Variants in SRPK2 observed in about 807,000 individuals in gnomAD.
SRPK2 encodes SFRS protein kinase 2.
Under a neutral mutation model 90.8 loss-of-function variants are expected in SRPK2, and 21 were observed. That is an observed-to-expected ratio of 0.23 (90% CI 0.16 to 0.33). SRPK2 has a LOEUF of 0.33. Ranked by LOEUF, SRPK2 falls within the 10% of genes least tolerant of loss-of-function variation. The probability of loss-of-function intolerance (pLI) is 1.00; values close to 1 mark genes in which losing one functional copy is unlikely to be tolerated. For missense variants in SRPK2, 620 were observed against 869.0 expected, an observed-to-expected ratio of 0.71 and a Z score of 3.60; for synonymous variants, 288 against 311.1, an observed-to-expected ratio of 0.93 and a Z score of 0.78.
intron 7 of SRPK2, among the ~76,000 whole-genome samples, chr7:105,149,367 T>G (rs1318250306): frequency 1.3e-5 from 2 of 152,202 alleles, no homozygotes; most frequent in Non-Finnish European, 2.9e-5. Context: ...GTACCTTCCC[T>G]TGAACTTAAT....
rs573171630 is a variant in SRPK2 at position 105,131,198 on chromosome 7, G to A, written c.1752+1593C>T. 1.8e-4 allele frequency among the ~76,000 whole-genome samples: 28 copies of A among 152,242 alleles called. 1 individual carries two copies. The highest frequency in any genetic ancestry group is 1.6e-4 in the Non-Finnish European group (11 of 68,020). ...TCAAAGAGTACTTAGCGCCTAATTC[G>A]GGGCAGCCCTGCTGCTAGTGGCCAT... On this transcript the variant is annotated intron_variant, in intron 13 of 15. Transcript: ENST00000393651.
chr7:105,148,959 G>C (rs994563942), intron 7 of SRPK2, among the ~76,000 whole-genome samples: 2 of 152,168 alleles, frequency 1.3e-5, no homozygotes, highest in African/African-American at 4.8e-5. Context: ...ACAATGCACT[G>C]TGGAAAGCTG....
At chr7:105,122,670 G>A (rs1800559653) in intron 15 of SRPK2, among the ~76,000 whole-genome samples, 1 of 152,092 alleles carries the variant, frequency 6.6e-6, no homozygotes, top group Admixed American at 6.5e-5. Flanking sequence ...CTGGGTTTTA[G>A]CCCTCAGTTC....
At chr7:105,121,262 T>G (rs1258874432) in intron 15 of SRPK2, among the ~76,000 whole-genome samples, 3 of 151,736 alleles carry the variant, frequency 2.0e-5, no homozygotes, top group African/African-American at 7.3e-5. Flanking sequence ...CAAAAATCGT[T>G]TGAACCCAGG....
At chr7:105,163,500 A>G (rs963650929) in intron 6 of SRPK2, among the ~76,000 whole-genome samples, 3 of 152,130 alleles carry the variant, frequency 2.0e-5, no homozygotes, top group South Asian at 2.1e-4. Flanking sequence ...ATTTGTGTGG[A>G]AAAAAAGTTT....
chr7:105,120,659 A>C (rs907807308), intron 15 of SRPK2, among the ~76,000 whole-genome samples: 13 of 152,196 alleles, frequency 8.5e-5, no homozygotes, highest in African/African-American at 3.1e-4. Context: ...CCTCTAAAAA[A>C]AAAAAAAATG....
chr7:105,223,514 T>C (rs1798350887), intron 2 of SRPK2, among the ~76,000 whole-genome samples: 2 of 152,208 alleles, frequency 1.3e-5, no homozygotes, highest in Admixed American at 1.3e-4. Context: ...TTTAGCCAGA[T>C]TCTACTTTTC....
At chr7:105,319,331 T>C (rs1812643757) in intron 2 of SRPK2, among the ~76,000 whole-genome samples, 1 of 152,210 alleles carries the variant, frequency 6.6e-6, no homozygotes, top group Non-Finnish European at 1.5e-5. Flanking sequence ...AGTTTAAGTA[T>C]ACAGCCCTCC....
chr7:105,271,331 C>A (rs560661622), intron 2 of SRPK2, among the ~76,000 whole-genome samples: 2 of 152,352 alleles, frequency 1.3e-5, no homozygotes, highest in Admixed American at 1.3e-4. Context: ...ACTGGTGACA[C>A]TGGAAGCCCC....
At chr7:105,380,972 A>T (rs927593979) in intron 2 of SRPK2, among the ~76,000 whole-genome samples, 66 of 124,446 alleles carry the variant, frequency 5.3e-4, no homozygotes, top group Non-Finnish European at 3.6e-4. Flanking sequence ...AAAAAAAAAA[A>T]GCTGGGCCAG....
intron 2 of SRPK2, among the ~76,000 whole-genome samples, chr7:105,209,961 TATC>T (rs1454099912): frequency 6.6e-6 from 1 of 152,170 alleles, no homozygotes; most frequent in African/African-American, 2.4e-5. Flanking sequence ...ATACTAAAAT[TATC>T]ATCATGCTAT....
intron 2 of SRPK2, among the ~76,000 whole-genome samples, chr7:105,307,500 C>T (rs1811267848): frequency 6.6e-6 from 1 of 152,190 alleles, no homozygotes; most frequent in South Asian, 2.1e-4. Flanking sequence ...GCAGTGCCAT[C>T]CATTTGTCAT....
chr7:105,312,564 C>T (rs1049620055), intron 2 of SRPK2, among the ~76,000 whole-genome samples: 7 of 152,092 alleles, frequency 4.6e-5, no homozygotes, highest in African/African-American at 1.7e-4. Context: ...AATCTCAGCC[C>T]TGCACCTCAG....
At chr7:105,366,462 C>T (rs1213759307) in intron 2 of SRPK2, among the ~76,000 whole-genome samples, 2 of 151,088 alleles carry the variant, frequency 1.3e-5, no homozygotes, top group African/African-American at 2.4e-5. Context: ...CTCTGCCTCC[C>T]GGCCTCAAGC....
intron 2 of SRPK2, among the ~76,000 whole-genome samples, chr7:105,323,173 G>T (rs1229948677): frequency 6.6e-6 from 1 of 151,466 alleles, no homozygotes; most frequent in South Asian, 2.1e-4. Flanking sequence ...CTGGGCGACA[G>T]AGTGAGACTC....
intron 2 of SRPK2, among the ~76,000 whole-genome samples, chr7:105,221,338 C>G (rs1798067782): frequency 6.6e-6 from 1 of 152,198 alleles, no homozygotes. Context: ...TAAGTTCCAG[C>G]TCCATCAGTT....
chr7:105,344,250 G>T (rs1816179176), intron 2 of SRPK2, among the ~76,000 whole-genome samples: 1 of 151,586 alleles, frequency 6.6e-6, no homozygotes, highest in Non-Finnish European at 1.5e-5. Context: ...TAAACAAAAT[G>T]AATATGCTTG....
At chr7:105,145,723 T>A (rs1274247981) in intron 8 of SRPK2, among the ~76,000 whole-genome samples, 2 of 152,212 alleles carry the variant, frequency 1.3e-5, no homozygotes, top group African/African-American at 2.4e-5. Flanking sequence ...AAGCTTTCTA[T>A]AATTTAAATC....
intron 2 of SRPK2, among the ~76,000 whole-genome samples, chr7:105,292,158 T>C (rs1809119263): frequency 6.6e-6 from 1 of 152,204 alleles, no homozygotes; most frequent in Admixed American, 6.5e-5. Flanking sequence ...GTTGAAAGGT[T>C]ACCTATCTTA....
Sources: allele counts gnomAD v4.1 joint callset (sites outside exome capture counted in the v4.1 genomes callset), GRCh38; gene constraint gnomAD v4.1.1; transcripts MANE v1.5; gene names NCBI Gene and HGNC (gene_info 2026-07-23, HGNC 2026-07-21).